NKAIN3: variants seen among roughly 807,000 people sequenced by gnomAD.
NKAIN3 encodes the protein sodium/potassium transporting ATPase interacting 3, also known as sodium/potassium-transporting ATPase subunit beta-1-interacting protein 3.
In NKAIN3, 25 loss-of-function variants were observed where a neutral mutation model predicts 30.2. That is an observed-to-expected ratio of 0.83 (90% confidence interval 0.60 to 1.16). The LOEUF (loss-of-function observed/expected upper bound fraction) is 1.16, where lower values mean the gene tolerates loss of function less well. Among genes scored for constraint, NKAIN3 ranks in the 50% most tolerant of loss-of-function variants. The probability of loss-of-function intolerance (pLI) is 0.00; values close to 1 mark genes in which losing one functional copy is unlikely to be tolerated. For synonymous variants in NKAIN3, 91 were observed against 89.6 expected, an observed-to-expected ratio of 1.02 and a Z score of -0.09; for missense variants, 225 against 254.1, an observed-to-expected ratio of 0.89 and a Z score of 0.78.
At chr8:62,721,130 A>G (rs1381554274) in intron 3 of NKAIN3, among the ~76,000 whole-genome samples, 1 of 152,214 alleles carries the variant, frequency 6.6e-6, no homozygotes, top group Non-Finnish European at 1.5e-5. Context: ...TCTGTCCAGG[A>G]GTAAAATATC....
chr8:62,715,396 C>T (rs1814862823), intron 3 of NKAIN3, among the ~76,000 whole-genome samples: 1 of 152,146 alleles, frequency 6.6e-6, no homozygotes, highest in Admixed American at 6.5e-5. Flanking sequence ...TCCTTGTGGG[C>T]TTTCAATTAA....
At chr8:62,993,840 C>T (rs953007616) in intron 5 of NKAIN3, among the ~76,000 whole-genome samples, 1 of 152,110 alleles carries the variant, frequency 6.6e-6, no homozygotes, top group Non-Finnish European at 1.5e-5. Context: ...AAGTAACTAC[C>T]TTTTCTCATT....
At chr8:62,739,985 A>G (rs1327341462) in intron 3 of NKAIN3, among the ~76,000 whole-genome samples, 2 of 152,194 alleles carry the variant, frequency 1.3e-5, no homozygotes, top group East Asian at 3.8e-4. Flanking sequence ...TTTTAAGCCT[A>G]TCTGTAAGAG....
chr8:62,387,874 G>T (rs935917177), intron 1 of NKAIN3, among the ~76,000 whole-genome samples: 2 of 151,998 alleles, frequency 1.3e-5, no homozygotes, highest in Non-Finnish European at 2.9e-5. Context: ...TCTTGAAAAA[G>T]AAAAGCAAAA....
chr8:62,369,116 G>T lies in NKAIN3; in HGVS notation c.54+119989G>T, dbSNP rs2129593091. Among the ~76,000 whole-genome samples, 3 of 152,034 alleles carry T rather than the reference G, an allele frequency of 2.0e-5. No homozygotes were observed. The South Asian group carries it at 6.2e-4, about 31-fold the overall frequency. On this transcript the variant is annotated intron_variant, in intron 1 of 6. Coordinates refer to ENST00000623646, the MANE Select transcript of NKAIN3 (RefSeq NM_001304533.3). ...CTCAGATTCTTTTACTTCTTCCTTTGTTGAGTTCTTTTTAACTTTATTCAA... is the reference window on the plus strand; with the variant it reads ...CTCAGATTCTTTTACTTCTTCCTTTTTTGAGTTCTTTTTAACTTTATTCAA...
chr8:62,923,601 T>A (rs1170631101), intron 5 of NKAIN3, among the ~76,000 whole-genome samples: 1 of 152,152 alleles, frequency 6.6e-6, no homozygotes, highest in Non-Finnish European at 1.5e-5. Flanking sequence ...CTGTACCACG[T>A]CAGAACAAGA....
At chr8:62,282,137 C>T (rs974475337) in intron 1 of NKAIN3, among the ~76,000 whole-genome samples, 1 of 152,082 alleles carries the variant, frequency 6.6e-6, no homozygotes, top group Non-Finnish European at 1.5e-5. Context: ...GACCCCAGAC[C>T]CTGGGTTTCT....
intron 3 of NKAIN3, among the ~76,000 whole-genome samples, chr8:62,628,082 G>A (rs530269523): frequency 3.9e-5 from 6 of 152,108 alleles, no homozygotes; most frequent in South Asian, 2.1e-4. Context: ...TGCTGGTTAC[G>A]TTCCATTCAT....
intron 1 of NKAIN3, among the ~76,000 whole-genome samples, chr8:62,308,002 C>T (rs1814308772): frequency 6.7e-6 from 1 of 150,234 alleles, no homozygotes; most frequent in African/African-American, 2.5e-5. Context: ...TTTCCTCAAA[C>T]TCAGGACACT....
intron 1 of NKAIN3, among the ~76,000 whole-genome samples, chr8:62,388,339 T>C (rs1217095048): frequency 1.2e-4 from 19 of 152,368 alleles, no homozygotes; most frequent in Non-Finnish European, 7.3e-5. Context: ...TCTTTGTTCA[T>C]CTAAAATTTA....
intron 1 of NKAIN3, among the ~76,000 whole-genome samples, chr8:62,547,801 AT>A (rs1239472011): frequency 6.6e-6 from 1 of 152,150 alleles, no homozygotes; most frequent in Non-Finnish European, 1.5e-5. Context: ...TTGGCACACA[AT>A]GTGGCATGCT....
chr8:62,997,451 A>G (rs904014656), intron 5 of NKAIN3, among the ~76,000 whole-genome samples: 4 of 152,198 alleles, frequency 2.6e-5, no homozygotes, highest in Non-Finnish European at 5.9e-5. Context: ...TAAAAGGTCA[A>G]TAATACACAA....
chr8:62,908,853 T>C (rs575459811), intron 4 of NKAIN3, among the ~76,000 whole-genome samples: 1 of 152,342 alleles, frequency 6.6e-6, no homozygotes, highest in South Asian at 2.1e-4. Context: ...CTATCATTCC[T>C]TAAGGATTCT....
rs140912941 is a variant in NKAIN3, at chr8:62,573,320, C to G, written c.55-6219C>G. On this transcript the variant is annotated intron_variant, in intron 1 of 6. Coordinates refer to ENST00000623646, the MANE Select transcript of NKAIN3 (RefSeq NM_001304533.3). ...ACTGTGAAATATTTTTCATGCAGCA[C>G]CTAGCATGAGCTAGGGTTTCATTCC... Among the ~76,000 whole-genome samples the G allele has an allele frequency of 3.9e-5, 6 of 152,280 alleles. No homozygotes were observed. In the East Asian group the frequency reaches 7.7e-4, roughly 20 times the overall value.
intron 4 of NKAIN3, among the ~76,000 whole-genome samples, chr8:62,883,457 G>GTTGTTTTGTTTT: frequency 2.8e-5 from 2 of 70,226 alleles, no homozygotes. Context: ...AGTTTTATGG[G>GTTGTTTTGTTTT]TTTTTTTTTT....
intron 1 of NKAIN3, among the ~76,000 whole-genome samples, chr8:62,345,366 T>TATATACACATATATGTATATATACACAC (rs1815912999): frequency 3.4e-4 from 8 of 23,252 alleles, no homozygotes; most frequent in Non-Finnish European, 1.1e-3. Flanking sequence ...CATATATGTA[T>TATATACACATATATGTATATATACACAC]ATATACACAT....
chr8:62,745,914 C>T (rs907088438), intron 3 of NKAIN3, among the ~76,000 whole-genome samples: 11 of 152,308 alleles, frequency 7.2e-5, no homozygotes, highest in African/African-American at 2.6e-4. Context: ...CATCCCAGCT[C>T]CACCACTAAC....
chr8:62,918,043 C>A (rs1234953668), intron 4 of NKAIN3, among the ~76,000 whole-genome samples: 6 of 152,158 alleles, frequency 3.9e-5, no homozygotes, highest in African/African-American at 1.4e-4. Flanking sequence ...AATTTATAAG[C>A]AACATGTTTT....
At chr8:62,867,576 C>T (rs1277322864) in intron 4 of NKAIN3, among the ~76,000 whole-genome samples, 2 of 152,274 alleles carry the variant, frequency 1.3e-5, no homozygotes, top group East Asian at 3.9e-4. Context: ...GCAAGAGGAA[C>T]CAAAAGCCTC....
Sources: allele counts gnomAD v4.1 joint callset (sites outside exome capture counted in the v4.1 genomes callset), GRCh38; gene constraint gnomAD v4.1.1; transcripts MANE v1.5; gene names NCBI Gene and HGNC (gene_info 2026-07-23, HGNC 2026-07-21).